INF2: variants seen among roughly 807,000 people sequenced by gnomAD.
INF2 encodes inverted formin-2.
In INF2, 43 loss-of-function variants were observed where a neutral mutation model predicts 123.5. That is an observed-to-expected ratio of 0.35 (90% CI 0.27 to 0.45). The LOEUF (loss-of-function observed/expected upper bound fraction) is 0.45, where lower values mean the gene tolerates loss of function less well. Among genes scored for constraint, INF2 ranks in the 20% least tolerant of loss-of-function variants. INF2 has a pLI of 1.00. For missense variants in INF2, 1,453 were observed against 1,682.7 expected, an observed-to-expected ratio of 0.86 and a Z score of 2.39; for synonymous variants, 851 against 745.0, an observed-to-expected ratio of 1.14 and a Z score of -2.32.
intron 10 of INF2, among the ~76,000 whole-genome samples, chr14:104,708,970 C>G (rs1418139742): frequency 6.6e-6 from 1 of 152,202 alleles, no homozygotes; most frequent in African/African-American, 2.4e-5. Context: ...AGTGGCTAAA[C>G]CAGTGGGCCC....
intron 1 of INF2, chr14:104,683,937 G>T (rs184249581): frequency 4.8e-6 from 2 of 419,296 alleles, no homozygotes; most frequent in Non-Finnish European, 4.8e-6. Context: ...GTTGGGGTGC[G>T]GGTGGGTCTC....
chr14:104,686,319 G>A (rs1174882892), upstream of INF2, among the ~76,000 whole-genome samples: 4 of 151,034 alleles, frequency 2.6e-5, no homozygotes, highest in African/African-American at 7.3e-5. Context: ...GTGGGTGGAT[G>A]GGTGGATGAG....
chr14:104,700,614 T>C (rs1039916274), intron 1 of INF2, among the ~76,000 whole-genome samples: 4 of 152,140 alleles, frequency 2.6e-5, no homozygotes, highest in Admixed American at 2.0e-4. Flanking sequence ...TGTTCTGTTT[T>C]GGGGAAAGGC....
At chr14:104,701,322 C>T (rs1193608242) in intron 1 of INF2, 35 bp from the exon 2 acceptor site, 2 of 1,542,918 alleles carry the variant, frequency 1.3e-6, no homozygotes, top group Non-Finnish European at 1.8e-6. Flanking sequence ...CCCCCATCCC[C>T]TCCCCGCTGA....
chr14:104,702,271 C>T (rs572965155), intron 2 of INF2, among the ~76,000 whole-genome samples: 1 of 152,348 alleles, frequency 6.6e-6, no homozygotes, highest in Admixed American at 6.5e-5. Flanking sequence ...CCCGCCCTGT[C>T]CCCTACTCCA....
At chr14:104,690,490 C>G (rs1888890398) in intron 1 of INF2, 1 of 152,668 alleles carries the variant, frequency 6.6e-6, no homozygotes, top group Admixed American at 6.5e-5. Context: ...AGCTCCCCAC[C>G]CAGGGCTCCC....
chr14:104,711,534 ATTGCTAAGGGTTAG>A, intron 15 of INF2, 81 bp from the exon 16 acceptor site: 1 of 1,132,204 alleles, frequency 8.8e-7, no homozygotes, highest in Non-Finnish European at 1.3e-6. Context: ...CTGGACCTTA[ATTGCTAAGGGTTAG>A]AGCTGGGGGA....
In INF2 at chr14:104,718,886, T is replaced by G. The variant is rs1595186000; in HGVS notation, c.*93T>G. The G allele has an allele frequency of 6.3e-7, 1 of 1,582,770 alleles. No individual in the cohort carries two copies. Among genetic ancestry groups the G allele is most frequent in the Non-Finnish European group, 8.6e-7 (1 of 1,168,858 alleles). ...AGAGAGGCTCTTCTGGGGGCCAGGC[T>G]GGGACTGGGCCCCGGAAACCAAAAC... On this transcript the variant is annotated 3_prime_UTR_variant, in exon 23 of 23. Coordinates refer to ENST00000392634, the MANE Select transcript of INF2 (RefSeq NM_022489.4).
Position 104,718,820 on chromosome 14 carries a change from G to A in INF2, c.*27G>A. ...GCCTCAGGCCCAGGCCCAAGGCCAA[G>A]TGAGAGAGCCCAGGCCACAGGACAT... On this transcript the variant is annotated 3_prime_UTR_variant, in exon 23 of 23. Transcript: ENST00000392634. 3 of 1,612,920 alleles carry A rather than the reference G, an allele frequency of 1.9e-6. No individual in the cohort carries two copies. Among genetic ancestry groups the A allele is most frequent in the Non-Finnish European group, 2.5e-6 (3 of 1,179,728 alleles).
Position 104,720,333 on chromosome 14 carries a change from C to T in INF2, c.*1540C>T. 1.1e-5 allele frequency: 2 copies of T among 175,586 alleles called. No homozygotes were observed. The highest frequency in any genetic ancestry group is 1.2e-5 in the Non-Finnish European group (1 of 83,064). The allele number at this position is 175,586 out of a possible 1,614,324, so 10.9% of individuals were successfully genotyped here. The stretch of plus-strand genomic sequence containing the variant: ...TGAATCCTGCTGCTGTGGACATTTG[C>T]GTAGTCCTCGTGTGGATGCTGCTGT... On this transcript the variant is annotated 3_prime_UTR_variant, in exon 23 of 23. Coordinates refer to ENST00000392634, the MANE Select transcript of INF2 (RefSeq NM_022489.4).
intron 6 of INF2, among the ~76,000 whole-genome samples, chr14:104,706,567 T>A (rs1276192138): frequency 6.6e-6 from 1 of 152,126 alleles, no homozygotes; most frequent in Non-Finnish European, 1.5e-5. Context: ...CTCGTCAAGC[T>A]CAGGCCTTCC....
chr14:104,719,142 C>T lies in INF2; in HGVS notation c.*349C>T. The T allele has an allele frequency of 2.6e-6, 1 of 390,160 alleles. No homozygotes were observed. The highest frequency in any genetic ancestry group is 4.6e-6 in the Non-Finnish European group (1 of 217,962). The allele number at this position is 390,160 out of a possible 1,614,324, so 24.2% of individuals were successfully genotyped here. A position where few individuals can be genotyped will look rare whatever the true frequency, so the allele number is the denominator to read the frequency against. On this transcript the variant is annotated 3_prime_UTR_variant, in exon 23 of 23. Transcript: ENST00000392634. ...CGTCCTGCCAGTGTCCACCACAGCT[C>T]TGCCTGCCCTTCAGCCCAGCAAGGT...
chr14:104,721,167 C>T lies in INF2; in HGVS notation c.*2374C>T, dbSNP rs1233956764. 2.2e-5 allele frequency: 3 copies of T among 133,368 alleles called. No homozygotes were observed. Among genetic ancestry groups the T allele is most frequent in the African/African-American group, 5.9e-5 (2 of 33,742 alleles). The allele number at this position is 133,368 out of a possible 1,614,324, so 8.3% of individuals were successfully genotyped here. ...CTGCTGTGGACGTCTGCGTCGTCCT[C>T]GTGTGGATGCTGCTATGGACGTCTG... On this transcript the variant is annotated 3_prime_UTR_variant, in exon 23 of 23. Transcript: ENST00000392634.
At chr14:104,700,453 A>AGC (rs1380097255) in intron 1 of INF2, among the ~76,000 whole-genome samples, 1 of 152,062 alleles carries the variant, frequency 6.6e-6, no homozygotes, top group Non-Finnish European at 1.5e-5. Context: ...CTCAGACGCT[A>AGC]AATATAAGAT....
rs1273383550 is a variant in INF2 at position 104,714,499 on chromosome 14, C to T, written c.3337C>T (p.Pro1113Ser). The T allele has an allele frequency of 1.2e-6, 2 of 1,612,758 alleles. No homozygotes were observed. The highest frequency in any genetic ancestry group is 1.7e-6 in the Non-Finnish European group (2 of 1,179,838). Residue 1113 changes from proline (P) to serine (S), a missense_variant, in exon 21 of 23, where the codon CCC becomes TCC. By Grantham distance (74) the Pro-to-Ser change is moderately conservative. Transcript: ENST00000392634. ...VTLGDAQALK[P>S]LKFSSNQPPA... is the part of the protein sequence containing the mutation. The stretch of plus-strand genomic sequence containing the variant: ...TCTGGGAGATGCTCAGGCCCTGAAG[C>T]CCCTCAAGTTCTCCAGCAACCAGCC...
Position 104,714,329 on chromosome 14 carries a change from G to A in INF2, c.3167G>A (p.Gly1056Asp). 1 of 1,591,008 alleles carries A rather than the reference G, an allele frequency of 6.3e-7. No individual in the cohort carries two copies. ...GWDLVDAVTP[G>D]PQPTLEQLEE... ...GACCTTGTAGACGCCGTGACCCCCG[G>A]CCCTCAGCCCACCCTGGAGCAGTTG... The change falls in exon 21 of 23, where the codon GGC becomes GAC. Residue 1056 changes from glycine to aspartate, a missense_variant. Physicochemically the swap from Gly to Asp is moderately conservative, Grantham distance 94. Transcript: ENST00000392634.
At chr14:104,681,911 G>A (rs1454653079) in intron 1 of INF2, among the ~76,000 whole-genome samples, 1 of 152,216 alleles carries the variant, frequency 6.6e-6, no homozygotes, top group Non-Finnish European at 1.5e-5. Context: ...TGCAAGTGGA[G>A]ATTCCAGGCT....
At chr14:104,697,493 G>C (rs1015440651) in intron 1 of INF2, among the ~76,000 whole-genome samples, 1 of 152,260 alleles carries the variant, frequency 6.6e-6, no homozygotes, top group African/African-American at 2.4e-5. Context: ...TAGGCACATG[G>C]CTGCAGGTCT....
intron 1 of INF2, among the ~76,000 whole-genome samples, chr14:104,682,289 T>G (rs1888543678): frequency 6.6e-6 from 1 of 151,814 alleles, no homozygotes; most frequent in African/African-American, 2.4e-5. Context: ...CCCAAGGGGC[T>G]TTAGCGGGGA....
Sources: allele counts gnomAD v4.1 joint callset (sites outside exome capture counted in the v4.1 genomes callset), GRCh38; gene constraint gnomAD v4.1.1; transcripts MANE v1.5; gene names NCBI Gene and HGNC (gene_info 2026-07-23, HGNC 2026-07-21).